Variants in FMN1 observed in about 807,000 individuals in gnomAD.
FMN1 encodes formin-1.
A neutral mutation model predicts 132.4 loss-of-function variants in FMN1; 110 were observed. The observed-to-expected ratio is 0.83, with a 90% CI of 0.71 to 0.97. FMN1 has a LOEUF of 0.97. Among genes scored for constraint, FMN1 ranks in the 50% least tolerant of loss-of-function variants. FMN1 has a pLI of 0.00. For synonymous variants in FMN1, 722 were observed against 651.7 expected, an observed-to-expected ratio of 1.11 and a Z score of -1.64; for missense variants, 1,792 against 1,705.3, an observed-to-expected ratio of 1.05 and a Z score of -0.90.
chr15:32,774,475 G>A lies in FMN1; in HGVS notation c.4216-121C>T. ...GAATTGTGCCAAATGGCCTAGAAATGAGAGTACCTCTACTGCTTTCCCTAA... is the reference window on the plus strand; with the variant it reads ...GAATTGTGCCAAATGGCCTAGAAATAAGAGTACCTCTACTGCTTTCCCTAA... On this transcript the variant is annotated intron_variant, in intron 20 of 20. Coordinates refer to ENST00000616417, the MANE Select transcript of FMN1 (RefSeq NM_001277313.2). 4.1e-6 allele frequency: 3 copies of A among 726,852 alleles called. 1 individual carries two copies. The highest frequency in any genetic ancestry group is 3.4e-5 in the South Asian group (2 of 59,070). 45.0% of individuals were successfully genotyped at this position (726,852 alleles called of 1,614,324 possible). A position where few individuals can be genotyped will look rare whatever the true frequency, so the allele number is the denominator to read the frequency against.
At chr15:33,033,962 C>A (rs1367062896) in intron 6 of FMN1, among the ~76,000 whole-genome samples, 1 of 152,196 alleles carries the variant, frequency 6.6e-6, no homozygotes, top group East Asian at 1.9e-4. Context: ...TGGAGGCTTT[C>A]TCATTTCTCC....
chr15:33,038,009 T>C (rs183917137), intron 6 of FMN1, among the ~76,000 whole-genome samples: 6 of 152,288 alleles, frequency 3.9e-5, no homozygotes, highest in Admixed American at 3.9e-4. Flanking sequence ...GATCACTTGG[T>C]GTCAGGAGTT....
intron 5 of FMN1, chr15:33,067,172 T>G (rs2037776493): frequency 2.5e-6 from 4 of 1,613,858 alleles, no homozygotes; most frequent in Middle Eastern, 1.6e-4. Context: ...TTGGGACCCT[T>G]CTTCTCCCAC....
Position 33,111,818 on chromosome 15 carries a change from G to C in FMN1, c.1868-22844C>G, listed in dbSNP as rs1429669919. Among the ~76,000 whole-genome samples the C allele has an allele frequency of 3.9e-5, 6 of 152,192 alleles. No homozygotes were observed. The East Asian group carries it at 1.2e-3, about 29-fold the overall frequency. ...GGGAAAATGGTGAGTGACTTCTGAT[G>C]GTATGGGGGTTTTGGGGGAGGTGAT... On this transcript the variant is annotated intron_variant, in intron 4 of 20. Transcript: ENST00000616417.
intron 17 of FMN1, among the ~76,000 whole-genome samples, chr15:32,814,773 T>G (rs1230769465): frequency 6.6e-6 from 1 of 152,198 alleles, no homozygotes; most frequent in Non-Finnish European, 1.5e-5. Context: ...CTACGGCCTT[T>G]TTCTTTCAAA....
rs776328615 is a variant in FMN1, at chr15:33,153,757, C to T, written c.1158G>A (p.Gln386=). ...ACCTATCCCCTTGCCGCTCCTTGCC[C>T]TGCCGCCTGGAGCCATGAGCCCCAG... The part of the protein sequence containing the change: ...AEAGAHGSRR[Q]GKERQGDRSS... The change falls in exon 4 of 21, where the codon CAG becomes CAA. Residue 386 remains glutamine, a synonymous_variant. Transcript: ENST00000616417. 6.5e-7 allele frequency: 1 copy of T among 1,536,302 alleles called. No individual in the cohort carries two copies. Among genetic ancestry groups the T allele is most frequent in the East Asian group, 2.4e-5 (1 of 40,908 alleles).
chr15:32,901,141 T>G (rs1255701102), intron 13 of FMN1, among the ~76,000 whole-genome samples: 1 of 151,548 alleles, frequency 6.6e-6, no homozygotes, highest in African/African-American at 2.4e-5. Flanking sequence ...GCAAGAAGAA[T>G]GAGACTCCGT....
At chr15:33,124,761 T>C (rs552283800) in intron 4 of FMN1, among the ~76,000 whole-genome samples, 6 of 152,218 alleles carry the variant, frequency 3.9e-5, no homozygotes, top group African/African-American at 1.4e-4. Context: ...TAGCACTCCT[T>C]TGTGCTCCTT....
At chr15:33,095,979 T>C (rs2039069310) in intron 4 of FMN1, among the ~76,000 whole-genome samples, 1 of 146,896 alleles carries the variant, frequency 6.8e-6, no homozygotes, top group Non-Finnish European at 1.5e-5. Context: ...CAAAAAGGAA[T>C]ATACGTAACA....
At chr15:32,834,589 T>C (rs1372816265) in intron 17 of FMN1, among the ~76,000 whole-genome samples, 1 of 152,198 alleles carries the variant, frequency 6.6e-6, no homozygotes, top group Non-Finnish European at 1.5e-5. Flanking sequence ...GCTCTGTTCA[T>C]CTAATTCTTC....
chr15:32,812,891 T>C (rs985319045), intron 17 of FMN1, among the ~76,000 whole-genome samples: 4 of 152,314 alleles, frequency 2.6e-5, no homozygotes, highest in South Asian at 2.1e-4. Context: ...TAATAATAAT[T>C]TGTATAGGTG....
intron 12 of FMN1, among the ~76,000 whole-genome samples, chr15:32,904,286 G>A (rs143131359): frequency 6.6e-6 from 1 of 152,268 alleles, no homozygotes; most frequent in Non-Finnish European, 1.5e-5. Context: ...AGAAACTGCC[G>A]GGAGAGCCCA....
At chr15:32,954,959 C>A (rs1189839359) in intron 9 of FMN1, among the ~76,000 whole-genome samples, 1 of 152,152 alleles carries the variant, frequency 6.6e-6, no homozygotes, top group South Asian at 2.1e-4. Flanking sequence ...AGTGACTAGG[C>A]AACAGAGTGA....
At chr15:32,997,763 A>C (rs899077382) in intron 7 of FMN1, among the ~76,000 whole-genome samples, 5 of 152,170 alleles carry the variant, frequency 3.3e-5, no homozygotes, top group African/African-American at 1.2e-4. Flanking sequence ...TTACACTAAG[A>C]GCTCATCTTT....
intron 19 of FMN1, among the ~76,000 whole-genome samples, chr15:32,793,962 C>T (rs116524816): frequency 8.5e-4 from 129 of 152,266 alleles, no homozygotes; most frequent in African/African-American, 3.0e-3. Context: ...CAGTCAGTGG[C>T]TTGTGGATTG....
intron 5 of FMN1, among the ~76,000 whole-genome samples, chr15:33,081,959 C>T (rs1240345676): frequency 6.6e-6 from 1 of 152,020 alleles, no homozygotes; most frequent in Non-Finnish European, 1.5e-5. Flanking sequence ...TGCAGGGCCT[C>T]ACAGGTGAGA....
chr15:33,090,676 G>A (rs1048357039), intron 4 of FMN1, among the ~76,000 whole-genome samples: 3 of 152,114 alleles, frequency 2.0e-5, no homozygotes, highest in Non-Finnish European at 2.9e-5. Flanking sequence ...GCTACCCACT[G>A]TCTACAGACA....
At chr15:32,880,238 T>C (rs571333223) in intron 16 of FMN1, among the ~76,000 whole-genome samples, 2 of 152,300 alleles carry the variant, frequency 1.3e-5, no homozygotes, top group South Asian at 4.1e-4. Context: ...ATGGAAACTC[T>C]GATTATTCCA....
At chr15:32,991,237 G>C (rs2033415847) in intron 7 of FMN1, among the ~76,000 whole-genome samples, 1 of 151,982 alleles carries the variant, frequency 6.6e-6, no homozygotes, top group Non-Finnish European at 1.5e-5. Flanking sequence ...AATCTCCTGG[G>C]TCCCTGATTT....
Sources: allele counts gnomAD v4.1 joint callset (sites outside exome capture counted in the v4.1 genomes callset), GRCh38; gene constraint gnomAD v4.1.1; transcripts MANE v1.5; gene names NCBI Gene and HGNC (gene_info 2026-07-23, HGNC 2026-07-21).